MALRD1: variants seen among roughly 807,000 people sequenced by gnomAD.
MALRD1 encodes the protein MAM and LDL receptor class A domain containing 1.
MALRD1 carries 247 observed loss-of-function variants against 242.1 expected under a neutral mutation model. That is an observed-to-expected ratio of 1.02 (90% CI 0.92 to 1.13). The LOEUF (loss-of-function observed/expected upper bound fraction) is 1.13. Among genes scored for constraint, MALRD1 ranks in the 50% most tolerant of loss-of-function variants. The pLI is 0.00. For missense variants in MALRD1, 2,989 were observed against 2,533.1 expected (o/e 1.18, Z -3.86); for synonymous variants, 995 against 866.6 (o/e 1.15, Z -2.60).
At chr10:19,195,915 G>A (rs558725104) in intron 14 of MALRD1, among the ~76,000 whole-genome samples, 8 of 151,920 alleles carry the variant, frequency 5.3e-5, no homozygotes, top group Admixed American at 2.6e-4. Context: ...TTTTTCTTCC[G>A]TCTTCTTTGA....
intron 4 of MALRD1, among the ~76,000 whole-genome samples, chr10:19,098,883 G>A (rs778548337): frequency 2.6e-5 from 4 of 152,170 alleles, no homozygotes; most frequent in Non-Finnish European, 5.9e-5. Context: ...TGAGCTTGAG[G>A]AAGCGGTGTC....
intron 19 of MALRD1, among the ~76,000 whole-genome samples, chr10:19,262,219 T>G (rs1478201819): frequency 6.6e-6 from 1 of 152,112 alleles, no homozygotes; most frequent in African/African-American, 2.4e-5. Context: ...TAAGATATAA[T>G]TGGCAAAATG....
At chr10:19,558,230 C>T (rs4266950) in intron 32 of MALRD1, among the ~76,000 whole-genome samples, 148,875 of 152,160 alleles carry the variant, frequency 0.98, 72,846 homozygotes, top group East Asian at 1. Flanking sequence ...ATGCTTTTTT[C>T]CCCCCTTTTT....
chr10:19,500,905 G>A (rs1837937888), intron 31 of MALRD1, among the ~76,000 whole-genome samples: 1 of 152,124 alleles, frequency 6.6e-6, no homozygotes, highest in African/African-American at 2.4e-5. Flanking sequence ...ATAAATCCCT[G>A]TCACGGTGGA....
intron 26 of MALRD1, among the ~76,000 whole-genome samples, chr10:19,367,494 T>C (rs1371461273): frequency 1.3e-5 from 2 of 152,164 alleles, no homozygotes; most frequent in Non-Finnish European, 2.9e-5. Context: ...TTTTACCACA[T>C]TTTCTTTATC....
At chr10:19,506,259 A>T (rs1833134727) in intron 31 of MALRD1, among the ~76,000 whole-genome samples, 1 of 152,212 alleles carries the variant, frequency 6.6e-6, no homozygotes, top group Non-Finnish European at 1.5e-5. Context: ...AATAACCAAG[A>T]ATCACCACAC....
At chr10:19,168,895 C>A (rs1489523233) in intron 13 of MALRD1, among the ~76,000 whole-genome samples, 2 of 152,156 alleles carry the variant, frequency 1.3e-5, no homozygotes, top group Non-Finnish European at 2.9e-5. Context: ...CTCTGTGCCT[C>A]CCCACTTAAT....
intron 29 of MALRD1, among the ~76,000 whole-genome samples, chr10:19,477,672 G>C (rs1487997152): frequency 6.6e-6 from 1 of 152,122 alleles, no homozygotes; most frequent in Admixed American, 6.5e-5. Flanking sequence ...CAGAGAGAGA[G>C]GGGCTCCCAA....
Position 19,243,615 on chromosome 10 carries a change from C to T in MALRD1, c.2992-14069C>T, listed in dbSNP as rs11009094. The stretch of plus-strand genomic sequence containing the variant: ...TTACCAACAATCAATGTGAGAATAA[C>T]CTTTGAATATTTTCAAGCATTAAGA... On this transcript the variant is annotated intron_variant, in intron 18 of 39. Coordinates refer to ENST00000454679, the MANE Select transcript of MALRD1 (RefSeq NM_001142308.3). Among the ~76,000 whole-genome samples the T allele has an allele frequency of 8.1e-3, 1,235 of 151,968 alleles. 19 individuals carry two copies. The highest frequency in any genetic ancestry group is 0.028 in the African/African-American group (1,167 of 41,436).
At chr10:19,449,802 A>G (rs1007866658) in intron 28 of MALRD1, among the ~76,000 whole-genome samples, 1 of 152,196 alleles carries the variant, frequency 6.6e-6, no homozygotes, top group African/African-American at 2.4e-5. Context: ...GTTTGCCTGT[A>G]TAGCAAACCT....
chr10:19,311,795 A>C (rs1842438152), intron 21 of MALRD1, among the ~76,000 whole-genome samples: 1 of 151,474 alleles, frequency 6.6e-6, no homozygotes, highest in Non-Finnish European at 1.5e-5. Context: ...GTTTCCTTTC[A>C]ACAGTATTTA....
chr10:19,702,142 A>G (rs1833657441), intron 38 of MALRD1, among the ~76,000 whole-genome samples: 1 of 152,180 alleles, frequency 6.6e-6, no homozygotes, highest in Admixed American at 6.5e-5. Flanking sequence ...TAGAAATGTA[A>G]ATTTATAGTA....
chr10:19,296,075 A>G (rs1170157314), intron 21 of MALRD1, among the ~76,000 whole-genome samples: 1 of 152,046 alleles, frequency 6.6e-6, no homozygotes, highest in African/African-American at 2.4e-5. Flanking sequence ...TTGATGGTGG[A>G]CATGGTTGTA....
At chr10:19,533,842 G>A (rs1199771311) in intron 32 of MALRD1, among the ~76,000 whole-genome samples, 1 of 152,152 alleles carries the variant, frequency 6.6e-6, no homozygotes, top group Admixed American at 6.5e-5. Flanking sequence ...CTGTATCAGC[G>A]GAGTTGACTG....
intron 36 of MALRD1, among the ~76,000 whole-genome samples, chr10:19,673,246 G>A (rs538971606): frequency 2.0e-5 from 3 of 152,026 alleles, no homozygotes; most frequent in South Asian, 2.1e-4. Flanking sequence ...AATTAACCGG[G>A]CATGGTGGCG....
chr10:19,397,140 C>A (rs1007897683), intron 28 of MALRD1, among the ~76,000 whole-genome samples: 1 of 152,040 alleles, frequency 6.6e-6, no homozygotes, highest in East Asian at 1.9e-4. Flanking sequence ...TTTTGAAATA[C>A]ATATTATTTT....
intron 31 of MALRD1, among the ~76,000 whole-genome samples, chr10:19,524,910 A>G (rs997381252): frequency 6.6e-6 from 1 of 150,562 alleles, no homozygotes; most frequent in African/African-American, 2.4e-5. Flanking sequence ...TACTATTATT[A>G]TTATTATTTT....
chr10:19,635,382 A>G (rs1840082161), intron 36 of MALRD1, among the ~76,000 whole-genome samples: 1 of 152,148 alleles, frequency 6.6e-6, no homozygotes, highest in South Asian at 2.1e-4. Flanking sequence ...TTGAAGAAAT[A>G]TAGTTCATAA....
intron 36 of MALRD1, among the ~76,000 whole-genome samples, chr10:19,640,613 G>A (rs1840341569): frequency 6.6e-6 from 1 of 152,046 alleles, no homozygotes; most frequent in South Asian, 2.1e-4. Flanking sequence ...ATATTTTATG[G>A]AGTCTCCTAG....
Sources: gnomAD v4.1 joint callset for allele counts (sites outside exome capture counted in the v4.1 genomes callset) on GRCh38, gnomAD v4.1.1 for gene constraint, MANE v1.5 for transcripts, NCBI Gene and HGNC (gene_info 2026-07-23, HGNC 2026-07-21) for gene names.